The following GPR158 variants were observed in gnomAD, a reference collection of about 807,000 sequenced individuals.
GPR158 encodes the protein G protein-coupled receptor 158, also known as metabotropic glycine receptor.
In GPR158, 30 loss-of-function variants were observed where a neutral mutation model predicts 78.2. That is an observed-to-expected ratio of 0.38 (90% CI 0.29 to 0.52). GPR158 has a LOEUF of 0.52. Among genes scored for constraint, GPR158 ranks in the 20% least tolerant of loss-of-function variants. The pLI is 0.83. For synonymous variants in GPR158, 581 were observed against 591.1 expected (o/e 0.98, Z 0.25); for missense variants, 1,463 against 1,523.5 (o/e 0.96, Z 0.66).
At chr10:25,474,880 A>G (rs551614386) in intron 5 of GPR158, among the ~76,000 whole-genome samples, 1 of 152,108 alleles carries the variant, frequency 6.6e-6, no homozygotes, top group Non-Finnish European at 1.5e-5. Context: ...CCTTATTTAT[A>G]TTTATTTAGC....
At chr10:25,229,370 C>A (rs1306188849) in intron 2 of GPR158, among the ~76,000 whole-genome samples, 1 of 152,102 alleles carries the variant, frequency 6.6e-6, no homozygotes, top group Non-Finnish European at 1.5e-5. Flanking sequence ...ACAGTAAAGA[C>A]TGGATAAATT....
In GPR158 at chr10:25,201,875, C is replaced by G. The variant is rs78979998; in HGVS notation, c.903-19177C>G. Reference sequence around the variant, plus strand: ...TTGATATGCTGCTGGATTTGGTTTGCTAGTATTTTGTTGAGGATTGTTGCA... The same window carrying G: ...TTGATATGCTGCTGGATTTGGTTTGGTAGTATTTTGTTGAGGATTGTTGCA... On this transcript the variant is annotated intron_variant, in intron 1 of 10. Coordinates refer to ENST00000376351, the MANE Select transcript of GPR158 (RefSeq NM_020752.3). Among the ~76,000 whole-genome samples the G allele has an allele frequency of 2.0e-5, 3 of 152,074 alleles. No homozygotes were observed. The East Asian group carries it at 5.8e-4, about 29-fold the overall frequency.
chr10:25,369,377 AG>A (rs1041602256), intron 2 of GPR158, among the ~76,000 whole-genome samples: 53 of 149,844 alleles, frequency 3.5e-4, no homozygotes, highest in African/African-American at 1.3e-3. Flanking sequence ...TTTAGCATGA[AG>A]GGTTGTTGAA....
At chr10:25,315,868 A>C (rs1013833207) in intron 2 of GPR158, among the ~76,000 whole-genome samples, 1 of 152,114 alleles carries the variant, frequency 6.6e-6, no homozygotes, top group African/African-American at 2.4e-5. Flanking sequence ...CTCATCTGTC[A>C]GATTTTAATT....
At chr10:25,483,561 CTTAT>C (rs924056269) in intron 5 of GPR158, among the ~76,000 whole-genome samples, 3 of 151,960 alleles carry the variant, frequency 2.0e-5, no homozygotes, top group African/African-American at 7.2e-5. Flanking sequence ...CTTACACGTA[CTTAT>C]TTATTTATTT....
rs1588932654 is a variant in GPR158 at position 25,601,788 on chromosome 10, C to T, written c.*2514C>T. The T allele has an allele frequency of 6.5e-6, 1 of 152,744 alleles. No homozygotes were observed. Among genetic ancestry groups the T allele is most frequent in the East Asian group, 1.9e-4 (1 of 5,188 alleles). 9.5% of individuals were successfully genotyped at this position (152,744 alleles called of 1,614,324 possible). A position where few individuals can be genotyped will look rare whatever the true frequency, so the allele number is the denominator to read the frequency against. On this transcript the variant is annotated 3_prime_UTR_variant, in exon 11 of 11. Transcript: ENST00000376351. ...ATTTGCTAGGTTGTCCTTCTCAATG[C>T]ATGTGCAGGCTGCATCCTGTCCTTG...
chr10:25,222,430 C>A (rs138507116), intron 2 of GPR158, among the ~76,000 whole-genome samples: 2 of 151,766 alleles, frequency 1.3e-5, no homozygotes, highest in African/African-American at 4.8e-5. Flanking sequence ...ACAGCCCCCC[C>A]ATTCCCTCAC....
intron 1 of GPR158, among the ~76,000 whole-genome samples, chr10:25,185,298 C>CTATT (rs999668291): frequency 6.6e-5 from 10 of 152,068 alleles, no homozygotes; most frequent in African/African-American, 2.4e-4. Context: ...GATTACATGT[C>CTATT]TATTTATTTA....
rs138003022 is a variant in GPR158 at position 25,423,846 on chromosome 10, C to G, written c.1335+11373C>G. On this transcript the variant is annotated intron_variant, in intron 4 of 10. Coordinates refer to ENST00000376351, the MANE Select transcript of GPR158 (RefSeq NM_020752.3). ...TGTGAACAGTGCCACAATAAACATACGTGTGCATGTGTCTTTATAGTAACA... is the reference window on the plus strand; with the variant it reads ...TGTGAACAGTGCCACAATAAACATAGGTGTGCATGTGTCTTTATAGTAACA... Among the ~76,000 whole-genome samples the G allele has an allele frequency of 5.4e-3, 825 of 152,250 alleles. 11 individuals carry two copies. Among genetic ancestry groups the G allele is most frequent in the African/African-American group, 0.019 (798 of 41,514 alleles).
At chr10:25,492,823 T>C (rs1835827968) in intron 5 of GPR158, among the ~76,000 whole-genome samples, 1 of 150,500 alleles carries the variant, frequency 6.6e-6, no homozygotes, top group Non-Finnish European at 1.5e-5. Flanking sequence ...ATGATCTTTT[T>C]CTATTTTGAT....
intron 3 of GPR158, among the ~76,000 whole-genome samples, chr10:25,405,498 C>CTTTTTTTTTTT (rs59695469): frequency 6.6e-5 from 3 of 45,522 alleles, no homozygotes; most frequent in African/African-American, 1.5e-4. Flanking sequence ...AAACAATTTC[C>CTTTTTTTTTTT]TTTTTTTTTT....
At chr10:25,362,226 T>C (rs1357247117) in intron 2 of GPR158, among the ~76,000 whole-genome samples, 1 of 151,980 alleles carries the variant, frequency 6.6e-6, no homozygotes, top group East Asian at 1.9e-4. Flanking sequence ...CCTTCCTCCA[T>C]GTTGTGGTCT....
chr10:25,399,478 G>A (rs1163775509), intron 3 of GPR158, among the ~76,000 whole-genome samples: 2 of 152,168 alleles, frequency 1.3e-5, no homozygotes, highest in East Asian at 3.9e-4. Context: ...TCTAATGCCT[G>A]ATGGTCTGAG....
intron 4 of GPR158, among the ~76,000 whole-genome samples, chr10:25,446,929 A>G (rs11014566): frequency 0.07 from 10,625 of 152,246 alleles, 1,224 homozygotes; most frequent in East Asian, 0.54. Context: ...GTCAGTTTTA[A>G]TACAGCAAAT....
At chr10:25,415,552 A>G (rs1021586177) in intron 4 of GPR158, among the ~76,000 whole-genome samples, 1 of 152,132 alleles carries the variant, frequency 6.6e-6, no homozygotes, top group African/African-American at 2.4e-5. Flanking sequence ...CCTGTTGGAA[A>G]TGTAAATGGT....
chr10:25,317,478 C>A (rs1411503564), intron 2 of GPR158, among the ~76,000 whole-genome samples: 2 of 150,732 alleles, frequency 1.3e-5, no homozygotes, highest in African/African-American at 2.4e-5. Context: ...TTTTTTTCTT[C>A]TATTTCTTTT....
At chr10:25,581,377 A>G (rs1837197596) in intron 7 of GPR158, among the ~76,000 whole-genome samples, 1 of 152,124 alleles carries the variant, frequency 6.6e-6, no homozygotes, top group Admixed American at 6.5e-5. Flanking sequence ...TGTATTTTTA[A>G]TTTTCAATCA....
chr10:25,196,357 TG>T (rs1852843932), intron 1 of GPR158, among the ~76,000 whole-genome samples: 1 of 152,210 alleles, frequency 6.6e-6, no homozygotes, highest in South Asian at 2.1e-4. Flanking sequence ...CATAGTTGTC[TG>T]TTCATTTTCT....
chr10:25,385,793 A>C (rs1022953405), intron 2 of GPR158, among the ~76,000 whole-genome samples: 1 of 152,042 alleles, frequency 6.6e-6, no homozygotes, highest in Non-Finnish European at 1.5e-5. Flanking sequence ...CCCACTTAAA[A>C]TCAGGTTATT....
Sources: allele counts gnomAD v4.1 joint callset (sites outside exome capture counted in the v4.1 genomes callset), GRCh38; gene constraint gnomAD v4.1.1; transcripts MANE v1.5; gene names NCBI Gene and HGNC (gene_info 2026-07-23, HGNC 2026-07-21).